The following EOGT variants were observed in gnomAD, a reference collection of about 807,000 sequenced individuals.
EOGT encodes the protein EGF domain specific O-linked N-acetylglucosamine transferase, also known as EGF domain-specific O-linked N-acetylglucosamine transferase.
Under a neutral mutation model 70.5 loss-of-function variants are expected in EOGT, and 55 were observed. The ratio of observed to expected loss-of-function variants is 0.78; its 90% CI spans 0.63 to 0.98. The LOEUF is 0.98. Ranked by LOEUF, EOGT falls within the 50% of genes least tolerant of loss-of-function variation. The probability of loss-of-function intolerance (pLI) is 0.00; values close to 1 mark genes in which losing one functional copy is unlikely to be tolerated. For synonymous variants in EOGT, 246 were observed against 217.1 expected (o/e 1.13, Z -1.17); for missense variants, 703 against 641.9 (o/e 1.10, Z -1.03).
intron 6 of EOGT, 49 bp from the exon 7 acceptor site, chr3:69,005,283 A>C (rs761347476): frequency 9.3e-7 from 1 of 1,069,728 alleles, no homozygotes; most frequent in South Asian, 1.4e-5. Context: ...TAACACAGCA[A>C]AGACTCATCC....
chr3:68,996,544 C>T (rs970995785), intron 10 of EOGT, among the ~76,000 whole-genome samples: 3 of 152,204 alleles, frequency 2.0e-5, no homozygotes, highest in African/African-American at 7.2e-5. Context: ...ATGTCTCTTT[C>T]AGGGATCCTG....
chr3:68,988,381 T>G lies in EOGT; in HGVS notation c.997A>C (p.Ile333Leu). 6.5e-7 allele frequency: 1 copy of G among 1,534,714 alleles called. No homozygotes were observed. Among genetic ancestry groups the G allele is most frequent in the Non-Finnish European group, 8.7e-7 (1 of 1,145,702 alleles). ...RYGLFYNTPL[I>L]SGCQNTGLFR... is the part of the protein sequence containing the mutation. Reference sequence around the variant, plus strand: ...AGTCCAGTATTTTGACAGCCAGATATCTAAAATAAAAACACTGGTTCATAT... The same window carrying G: ...AGTCCAGTATTTTGACAGCCAGATAGCTAAAATAAAAACACTGGTTCATAT... Residue 333 changes from isoleucine (I) to leucine (L), a missense_variant and splice_region_variant, in exon 13 of 18, where the codon ATA (isoleucine) becomes CTA (leucine). Transcript: ENST00000383701.
At position 68,982,169 on chromosome 3, in the gene EOGT, A is replaced by G. The variant is rs533690505; in HGVS notation, c.1214+642T>C. Among the ~76,000 whole-genome samples, 11 of 152,240 alleles carry G rather than the reference A, an allele frequency of 7.2e-5. No individual in the cohort carries two copies. The East Asian group carries it at 2.1e-3, about 29-fold the overall frequency. On this transcript the variant is annotated intron_variant, in intron 15 of 17. Coordinates refer to ENST00000383701, the MANE Select transcript of EOGT (RefSeq NM_001278689.2). ...GGCAATCCACCCATCTCAGTCTCCC[A>G]AAGTGCTAGGATTACAGGCGTGAGC...
Position 69,012,730 on chromosome 3 carries a change from T to G in EOGT, c.-286A>C, listed in dbSNP as rs1020912855. On this transcript the variant is annotated 5_prime_UTR_variant, in exon 2 of 18. Transcript: ENST00000383701. ...CACACGGACGCTTTACTGGCCAGGC[T>G]ACTTTTCCTTCAGCTCAAAGCAGCT... 1.3e-5 allele frequency: 2 copies of G among 152,264 alleles called. No homozygotes were observed. The highest frequency in any genetic ancestry group is 2.9e-5 in the Non-Finnish European group (2 of 68,120). The allele number at this position is 152,264 out of a possible 1,614,324, so 9.4% of individuals were successfully genotyped here.
intron 15 of EOGT, 35 bp downstream of exon 15, chr3:68,982,776 G>A: frequency 1.3e-6 from 2 of 1,541,322 alleles, no homozygotes; most frequent in Non-Finnish European, 1.8e-6. Flanking sequence ...CCAAGCAAAA[G>A]TTGACAGTGT....
At chr3:69,007,892 G>T (rs1166517233) in intron 5 of EOGT, 71 bp from the exon 6 acceptor site, 4 of 1,061,452 alleles carry the variant, frequency 3.8e-6, no homozygotes, top group African/African-American at 1.6e-5. Flanking sequence ...TCATTCTAAA[G>T]GTTAAAATGC....
chr3:68,996,825 A>C (rs974748251), intron 10 of EOGT, among the ~76,000 whole-genome samples: 3 of 152,186 alleles, frequency 2.0e-5, no homozygotes, highest in Non-Finnish European at 2.9e-5. Flanking sequence ...GTGGAACCTT[A>C]TATGACCCCT....
chr3:69,009,717 C>G lies in EOGT; in HGVS notation c.130G>C (p.Glu44Gln). The G allele has an allele frequency of 6.2e-7, 1 of 1,614,048 alleles. No individual in the cohort carries two copies. Among genetic ancestry groups the G allele is most frequent in the South Asian group, 1.1e-5 (1 of 91,080 alleles). ...LYNYASIRLP[E>Q]EHIPFFLHNN... is the part of the protein sequence containing the mutation. ...TGCAAAAAGAAGGGAATGTGCTCCT[C>G]TGGCAAGCGGATGCTGGCATAGTTA... The change falls in exon 4 of 18, where the codon GAG becomes CAG. Residue 44 changes from glutamate to glutamine, a missense_variant. Coordinates refer to ENST00000383701, the MANE Select transcript of EOGT (RefSeq NM_001278689.2).
chr3:68,993,554 T>C (rs1056581301), intron 10 of EOGT, among the ~76,000 whole-genome samples: 5 of 152,122 alleles, frequency 3.3e-5, no homozygotes, highest in African/African-American at 7.2e-5. Context: ...TTTCCCACAT[T>C]TTCCTGTCGT....
At chr3:68,981,848 A>ATAATGTTATCAAACG (rs1559587118) in intron 15 of EOGT, among the ~76,000 whole-genome samples, 2 of 142,838 alleles carry the variant, frequency 1.4e-5, no homozygotes, top group East Asian at 2.0e-4. Flanking sequence ...GTTATCAAAC[A>ATAATGTTATCAAACG]TTTGATAATG....
chr3:68,991,062 T>A (rs187458423), intron 10 of EOGT, among the ~76,000 whole-genome samples: 11 of 152,310 alleles, frequency 7.2e-5, no homozygotes, highest in Admixed American at 3.9e-4. Flanking sequence ...GATAAAATAC[T>A]TCAGATAAAA....
chr3:68,977,552 A>C lies in EOGT; in HGVS notation c.*66T>G. On this transcript the variant is annotated 3_prime_UTR_variant, in exon 18 of 18. Transcript: ENST00000383701. ...TAGGAAATAACAGATTGCTTTACTG[A>C]TTTAATTCTAAGTCTGGGTGTTGGA... The C allele has an allele frequency of 6.5e-7, 1 of 1,537,546 alleles. No individual in the cohort carries two copies. The highest frequency in any genetic ancestry group is 2.3e-5 in the East Asian group (1 of 44,276).
chr3:68,981,554 T>C (rs2090640354), intron 15 of EOGT, among the ~76,000 whole-genome samples: 1 of 152,234 alleles, frequency 6.6e-6, no homozygotes, highest in Admixed American at 6.5e-5. Context: ...TCTATACTGC[T>C]TGACTTTTCA....
chr3:68,988,416 T>C (rs896589166), intron 12 of EOGT, 35 bp from the exon 13 acceptor site: 1 of 1,492,416 alleles, frequency 6.7e-7, no homozygotes, highest in Non-Finnish European at 9.0e-7. Context: ...TTACAATGAA[T>C]ACTTCTGTAT....
chr3:68,990,162 A>G (rs1291512049), intron 10 of EOGT, among the ~76,000 whole-genome samples: 1 of 152,070 alleles, frequency 6.6e-6, no homozygotes, highest in Non-Finnish European at 1.5e-5. Context: ...CACAAGCCTA[A>G]TGAGTTGATA....
chr3:69,007,419 G>C (rs181255673), intron 6 of EOGT, among the ~76,000 whole-genome samples: 1 of 150,760 alleles, frequency 6.6e-6, no homozygotes, highest in South Asian at 2.1e-4. Context: ...TTGGGAGGCT[G>C]AGGTGGGTGG....
chr3:68,987,579 C>G lies in EOGT; in HGVS notation c.1084-66G>C, dbSNP rs928254998. On this transcript the variant is annotated intron_variant, in intron 13 of 17. Coordinates refer to ENST00000383701, the MANE Select transcript of EOGT (RefSeq NM_001278689.2). Reference sequence around the variant, plus strand: ...CTGGGTAGATGAATGAACATCTGAACCCAAAATGTGATTTTCACAAAGAGA... The same window carrying G: ...CTGGGTAGATGAATGAACATCTGAAGCCAAAATGTGATTTTCACAAAGAGA... 60 of 1,190,468 alleles carry G rather than the reference C, an allele frequency of 5.0e-5. No individual in the cohort carries two copies. The highest frequency in any genetic ancestry group is 7.4e-5 in the Non-Finnish European group (60 of 812,330). 73.7% of individuals were successfully genotyped at this position (1,190,468 alleles called of 1,614,324 possible). A position where few individuals can be genotyped will look rare whatever the true frequency, so the allele number is the denominator to read the frequency against.
At chr3:68,997,393 G>C (rs546789554) in intron 10 of EOGT, among the ~76,000 whole-genome samples, 1 of 147,028 alleles carries the variant, frequency 6.8e-6, no homozygotes, top group Non-Finnish European at 1.5e-5. Context: ...TTTTGAGACA[G>C]AGTCTTGCTC....
intron 8 of EOGT, among the ~76,000 whole-genome samples, chr3:69,003,726 G>C (rs1559611182): frequency 6.6e-6 from 1 of 152,216 alleles, no homozygotes; most frequent in Non-Finnish European, 1.5e-5. Flanking sequence ...TACCTTTGGA[G>C]AGGGGGATGG....
Sources: allele counts gnomAD v4.1 joint callset (sites outside exome capture counted in the v4.1 genomes callset), GRCh38; gene constraint gnomAD v4.1.1; transcripts MANE v1.5; gene names NCBI Gene and HGNC (gene_info 2026-07-23, HGNC 2026-07-21).